Variants in MKLN1 observed in about 807,000 individuals in gnomAD.
The protein encoded by MKLN1 is muskelin 1, also known as muskelin.
Under a neutral mutation model 99.0 loss-of-function variants are expected in MKLN1, and 18 were observed. The ratio of observed to expected loss-of-function variants is 0.18; its 90% CI spans 0.13 to 0.27. The LOEUF (loss-of-function observed/expected upper bound fraction) is 0.27, where lower values mean the gene tolerates loss of function less well. Among genes scored for constraint, MKLN1 ranks in the 10% least tolerant of loss-of-function variants. MKLN1 has a pLI of 1.00. For missense variants in MKLN1, 621 were observed against 875.9 expected, an observed-to-expected ratio of 0.71 and a Z score of 3.67; for synonymous variants, 288 against 293.2, an observed-to-expected ratio of 0.98 and a Z score of 0.18.
intron 3 of MKLN1, among the ~76,000 whole-genome samples, chr7:131,263,348 A>G (rs1412252555): frequency 1.8e-5 from 2 of 110,740 alleles, no homozygotes; most frequent in African/African-American, 7.0e-5. Flanking sequence ...TACAATTATT[A>G]ATAATAATAA....
intron 3 of MKLN1, among the ~76,000 whole-genome samples, chr7:131,292,622 G>T (rs1395675528): frequency 6.6e-6 from 1 of 152,230 alleles, no homozygotes; most frequent in Non-Finnish European, 1.5e-5. Flanking sequence ...GCAAGCCAAG[G>T]AATGCCTAGG....
intron 1 of MKLN1, among the ~76,000 whole-genome samples, chr7:131,347,829 T>G (rs1197464052): frequency 2.0e-5 from 3 of 152,254 alleles, no homozygotes; most frequent in Admixed American, 1.3e-4. Context: ...AGCTTTTGTG[T>G]TTCTATTTTC....
intron 3 of MKLN1, among the ~76,000 whole-genome samples, chr7:131,304,780 GTGTT>G (rs1798430762): frequency 6.6e-6 from 1 of 152,302 alleles, no homozygotes; most frequent in East Asian, 1.9e-4. Context: ...CCTATTTGGA[GTGTT>G]TGTTTTTCAT....
chr7:131,337,276 T>G (rs141008124), intron 1 of MKLN1, among the ~76,000 whole-genome samples: 1 of 152,284 alleles, frequency 6.6e-6, no homozygotes, highest in African/African-American at 2.4e-5. Context: ...GAAAAAATTT[T>G]GACTTTTTAA....
At chr7:131,176,291 G>T (rs1341087532) in intron 2 of MKLN1, among the ~76,000 whole-genome samples, 2 of 151,914 alleles carry the variant, frequency 1.3e-5, no homozygotes, top group East Asian at 1.9e-4. Context: ...GTATTTTTAA[G>T]TTTTTCATGT....
intron 6 of MKLN1, among the ~76,000 whole-genome samples, chr7:131,409,924 T>G (rs993037064): frequency 6.6e-6 from 1 of 152,178 alleles, no homozygotes; most frequent in Non-Finnish European, 1.5e-5. Context: ...CAAATTTGCT[T>G]TAATATTTGT....
chr7:131,220,457 G>A (rs1797044435), intron 3 of MKLN1, among the ~76,000 whole-genome samples: 1 of 151,952 alleles, frequency 6.6e-6, no homozygotes, highest in African/African-American at 2.4e-5. Context: ...GCCCACGCAA[G>A]TCAATATACC....
chr7:131,237,450 A>G (rs715810), intron 3 of MKLN1, among the ~76,000 whole-genome samples: 22,100 of 152,196 alleles, frequency 0.15, 1,807 homozygotes, highest in African/African-American at 0.21. Context: ...TGACTTGTCT[A>G]AGGTGACATA....
chr7:131,245,531 C>T lies in MKLN1; in HGVS notation c.-179+42557C>T, dbSNP rs148115877. ...GATCCGCGCCCCCCGCCCCCGGCCT[C>T]GGCCTCCCAAAGTGCTGGGATTACA... is the stretch of plus-strand genomic sequence containing the variant. On this transcript the variant is annotated intron_variant, in intron 3 of 7. Coordinates refer to the MKLN1 transcript ENST00000416992. Among the ~76,000 whole-genome samples, 252 of 152,296 alleles carry T rather than the reference C, an allele frequency of 1.7e-3. 2 individuals are homozygous for T. The highest frequency in any genetic ancestry group is 5.6e-3 in the African/African-American group (231 of 41,574).
chr7:131,355,480 A>G (rs1398683818), intron 1 of MKLN1, among the ~76,000 whole-genome samples: 1 of 151,722 alleles, frequency 6.6e-6, no homozygotes, highest in Non-Finnish European at 1.5e-5. Flanking sequence ...GACTGTTTAA[A>G]ACAATTTTCT....
Position 131,362,829 on chromosome 7 carries a change from G to A in MKLN1, c.99-12595G>A, listed in dbSNP as rs1800070664. ...TTGGGGGAGGATTTTTAAAAATTTA[G>A]TCCTTGTTTCTGAAAAAAAAACTCT... On this transcript the variant is annotated intron_variant, in intron 1 of 17. Coordinates refer to ENST00000352689, the MANE Select transcript of MKLN1 (RefSeq NM_013255.5). Among the ~76,000 whole-genome samples the A allele has an allele frequency of 2.6e-5, 4 of 151,256 alleles. No homozygotes were observed. In the South Asian group the frequency reaches 8.3e-4, roughly 31 times the overall value.
intron 6 of MKLN1, among the ~76,000 whole-genome samples, chr7:131,403,960 G>A (rs796849336): frequency 6.6e-5 from 10 of 152,252 alleles, no homozygotes; most frequent in African/African-American, 2.2e-4. Flanking sequence ...TCTGTGAAGC[G>A]TGGTCAAGCA....
In MKLN1 at chr7:131,432,097, C is replaced by T. The variant is rs560842269; in HGVS notation, c.960+2952C>T. On this transcript the variant is annotated intron_variant, in intron 9 of 17. Transcript: ENST00000352689. ...TAATGATTGGTTTATATTCATGTTT[C>T]CCTATCTGAATTCCTTAAAGGCGTG... 2.6e-5 allele frequency among the ~76,000 whole-genome samples: 4 copies of T among 152,216 alleles called. No homozygotes were observed. The East Asian group carries it at 7.7e-4, about 29-fold the overall frequency.
At chr7:131,464,074 AAGT>A (rs770787454) in intron 13 of MKLN1, among the ~76,000 whole-genome samples, 11 of 152,222 alleles carry the variant, frequency 7.2e-5, no homozygotes, top group African/African-American at 1.9e-4. Context: ...TCATAACAAA[AAGT>A]AGGATATGTG....
At chr7:131,423,566 A>G (rs1257436923) in intron 8 of MKLN1, among the ~76,000 whole-genome samples, 1 of 152,178 alleles carries the variant, frequency 6.6e-6, no homozygotes, top group Non-Finnish European at 1.5e-5. Flanking sequence ...TCCCGACCTC[A>G]GGTGATCCGC....
At chr7:131,359,076 C>CT in intron 1 of MKLN1, among the ~76,000 whole-genome samples, 1 of 152,070 alleles carries the variant, frequency 6.6e-6, no homozygotes, top group Middle Eastern at 3.4e-3. Flanking sequence ...GCTTCAGTTG[C>CT]TTTTCTCTAG....
chr7:131,462,256 A>T (rs13362861), intron 12 of MKLN1, among the ~76,000 whole-genome samples: 2,457 of 152,150 alleles, frequency 0.016, 45 homozygotes, highest in African/African-American at 0.054. Flanking sequence ...TCTTGAGGTC[A>T]TGGCCTCATA....
chr7:131,187,578 G>A (rs745444387), intron 2 of MKLN1, among the ~76,000 whole-genome samples: 1 of 152,156 alleles, frequency 6.6e-6, no homozygotes, highest in Non-Finnish European at 1.5e-5. Flanking sequence ...TTATGACAGA[G>A]ACTATACAGC....
chr7:131,459,491 GA>G (rs1159116851), intron 12 of MKLN1, among the ~76,000 whole-genome samples: 6 of 152,192 alleles, frequency 3.9e-5, no homozygotes, highest in African/African-American at 1.4e-4. Context: ...AGAAGAAGGT[GA>G]GAAAGAACTT....
Sources: gnomAD v4.1 joint callset for allele counts (sites outside exome capture counted in the v4.1 genomes callset) on GRCh38, gnomAD v4.1.1 for gene constraint, MANE v1.5 for transcripts, NCBI Gene and HGNC (gene_info 2026-07-23, HGNC 2026-07-21) for gene names.